The following RFC1 variants were observed in gnomAD, a reference collection of about 807,000 sequenced individuals.
RFC1 encodes the protein replication factor C subunit 1, also known as A1 140 kDa subunit.
A neutral mutation model predicts 137.4 loss-of-function variants in RFC1; 37 were observed. That is an observed-to-expected ratio of 0.27 (90% CI 0.21 to 0.35). The LOEUF (loss-of-function observed/expected upper bound fraction) is 0.35, where lower values mean the gene tolerates loss of function less well. Among genes scored for constraint, RFC1 ranks in the 10% least tolerant of loss-of-function variants. The pLI, the probability that RFC1 is intolerant of heterozygous loss-of-function variation, is 1.00. For synonymous variants in RFC1, 429 were observed against 455.7 expected, an observed-to-expected ratio of 0.94 and a Z score of 0.75; for missense variants, 1,205 against 1,358.5, an observed-to-expected ratio of 0.89 and a Z score of 1.78.
At chr4:39,299,610 C>CAAAAAAA (rs970461214) in intron 21 of RFC1, among the ~76,000 whole-genome samples, 1 of 40,448 alleles carries the variant, frequency 2.5e-5, no homozygotes. Context: ...AACACTGTCT[C>CAAAAAAA]AAAAAAAAAA....
intron 1 of RFC1, among the ~76,000 whole-genome samples, chr4:39,353,351 G>C (rs896590364): frequency 8.3e-6 from 1 of 120,856 alleles, no homozygotes; most frequent in African/African-American, 3.2e-5. Flanking sequence ...AGTGTGGCGA[G>C]ATTGTACCAC....
chr4:39,331,688 TG>T (rs1740108910), intron 4 of RFC1, among the ~76,000 whole-genome samples: 1 of 152,230 alleles, frequency 6.6e-6, no homozygotes, highest in Non-Finnish European at 1.5e-5. Context: ...TATATTCATA[TG>T]TTTACTAGGT....
intron 14 of RFC1, among the ~76,000 whole-genome samples, chr4:39,305,457 A>G (rs1042074922): frequency 6.6e-6 from 1 of 152,066 alleles, no homozygotes; most frequent in Non-Finnish European, 1.5e-5. Context: ...AAATACAAAA[A>G]ATTAGCTGGG....
In RFC1 at chr4:39,366,230, G is replaced by A; in HGVS notation, c.3+9C>T. 1 of 1,552,926 alleles carries A rather than the reference G, an allele frequency of 6.4e-7. No individual in the cohort carries two copies. The highest frequency in any genetic ancestry group is 2.5e-5 in the East Asian group (1 of 40,530). ...ACCCCGAGCCGCACGGCCTCCCCCA[G>A]CGGCTCACCATCGCAGCCCCAGGAT... is the stretch of plus-strand genomic sequence containing the variant. On this transcript the variant is annotated intron_variant, in intron 1 of 24. Coordinates refer to ENST00000349703, the MANE Select transcript of RFC1 (RefSeq NM_002913.5).
chr4:39,327,892 G>C, intron 4 of RFC1, 136 bp from the exon 5 acceptor site: 2 of 665,668 alleles, frequency 3.0e-6, no homozygotes, highest in South Asian at 2.0e-5. Flanking sequence ...AGCACTTTTG[G>C]AGACCAAGAT....
chr4:39,337,435 A>AGTGTGT (rs71921435), intron 4 of RFC1, among the ~76,000 whole-genome samples: 1,993 of 143,668 alleles, frequency 0.014, 22 homozygotes, highest in Admixed American at 0.022. Flanking sequence ...TACTCAAATA[A>AGTGTGT]GTGTGTGTGT....
intron 10 of RFC1, among the ~76,000 whole-genome samples, chr4:39,314,931 T>C (rs557699794): frequency 1.3e-5 from 2 of 152,252 alleles, no homozygotes; most frequent in Non-Finnish European, 2.9e-5. Context: ...ATCTATCCCA[T>C]TAGCAAAACG....
rs187019051 is a variant in RFC1, at chr4:39,304,756, A to G, written c.2110+58T>C. 10 of 995,796 alleles carry G rather than the reference A, an allele frequency of 1.0e-5. No individual in the cohort carries two copies. The Admixed American group carries it at 1.0e-4, about 10-fold the overall frequency. The allele number at this position is 995,796 out of a possible 1,614,324, so 61.7% of individuals were successfully genotyped here. A position where few individuals can be genotyped will look rare whatever the true frequency, so the allele number is the denominator to read the frequency against. ...CTGTGTTCAATACTGGTTACTGAAC[A>G]TTGAAATGAACATATTTTTCTTATA... On this transcript the variant is annotated intron_variant, in intron 15 of 24. Transcript: ENST00000349703.
chr4:39,302,041 A>AT (rs752397429), intron 19 of RFC1, among the ~76,000 whole-genome samples: 2 of 152,256 alleles, frequency 1.3e-5, no homozygotes, highest in African/African-American at 2.4e-5. Context: ...TTGTTGAAGC[A>AT]TAAGTATAAT....
Position 39,327,902 on chromosome 4 carries a change from T to A in RFC1, c.332-146A>T, listed in dbSNP as rs533642560. The A allele has an allele frequency of 1.5e-4, 98 of 633,286 alleles. No individual in the cohort carries two copies. In the African/African-American group the frequency reaches 1.7e-3, roughly 11 times the overall value. 39.2% of individuals were successfully genotyped at this position (633,286 alleles called of 1,614,324 possible). A position where few individuals can be genotyped will look rare whatever the true frequency, so the allele number is the denominator to read the frequency against. ...ATCCCAGCACTTTTGGAGACCAAGA[T>A]AGGAGAATCATTTGCGCTCAGGAGT... On this transcript the variant is annotated intron_variant, in intron 4 of 24. Coordinates refer to ENST00000349703, the MANE Select transcript of RFC1 (RefSeq NM_002913.5).
chr4:39,358,998 G>A (rs1741617499), intron 1 of RFC1, among the ~76,000 whole-genome samples: 1 of 152,146 alleles, frequency 6.6e-6, no homozygotes, highest in African/African-American at 2.4e-5. Flanking sequence ...TCCCAAAGGT[G>A]CCTCTAACTA....
At chr4:39,321,998 G>A (rs1194340353) in intron 7 of RFC1, among the ~76,000 whole-genome samples, 2 of 151,998 alleles carry the variant, frequency 1.3e-5, no homozygotes, top group African/African-American at 2.4e-5. Flanking sequence ...ACAACTCTCT[G>A]CTTTAAAGAA....
chr4:39,339,497 T>C (rs1740512290), intron 4 of RFC1, among the ~76,000 whole-genome samples: 1 of 152,198 alleles, frequency 6.6e-6, no homozygotes, highest in South Asian at 2.1e-4. Context: ...GGATTAATGA[T>C]ATTAAGCACT....
At chr4:39,301,427 C>T (rs539397061) in intron 19 of RFC1, among the ~76,000 whole-genome samples, 2 of 152,304 alleles carry the variant, frequency 1.3e-5, no homozygotes, top group African/African-American at 2.4e-5. Flanking sequence ...ATGTCAACTA[C>T]GGACTCTGGG....
At chr4:39,320,286 T>C in intron 9 of RFC1, 97 bp downstream of exon 9, 1 of 1,095,178 alleles carries the variant, frequency 9.1e-7, no homozygotes, top group Non-Finnish European at 1.2e-6. Context: ...GAGGCAGAGG[T>C]TGCAGTGAGC....
chr4:39,321,193 A>G (rs1560604878), intron 8 of RFC1, 94 bp downstream of exon 8: 3 of 955,816 alleles, frequency 3.1e-6, no homozygotes, highest in Non-Finnish European at 4.9e-6. Flanking sequence ...ACCTAACAAT[A>G]CATAATTACT....
intron 4 of RFC1, among the ~76,000 whole-genome samples, chr4:39,335,130 G>A (rs1240340336): frequency 2.6e-5 from 4 of 152,084 alleles, no homozygotes; most frequent in East Asian, 3.8e-4. Context: ...ATCCAGTTAC[G>A]GGGATTAAAA....
intron 4 of RFC1, among the ~76,000 whole-genome samples, chr4:39,339,751 A>T (rs2109724344): frequency 6.6e-6 from 1 of 152,276 alleles, no homozygotes; most frequent in Non-Finnish European, 1.5e-5. Context: ...TCACATTTAC[A>T]GCATTCTCAA....
At position 39,327,553 on chromosome 4, in the gene RFC1, T is replaced by G. The variant is rs1739836734; in HGVS notation, c.535A>C (p.Lys179Gln). ...TTTCTTTTGCTTGCCACCATCTTCT[T>G]ATTAGATCTTTGGACACTTCCAGTT... ...FGTGSVQRSNKKMVASKRKEL... is the reference protein window; with the variant it reads ...FGTGSVQRSNQKMVASKRKEL... Residue 179 changes from lysine (K) to glutamine (Q), a missense_variant, in exon 5 of 25, where the codon AAG becomes CAG. Transcript: ENST00000349703. 4 of 1,612,342 alleles carry G rather than the reference T, an allele frequency of 2.5e-6. No homozygotes were observed. The highest frequency in any genetic ancestry group is 3.4e-6 in the Non-Finnish European group (4 of 1,179,546).
Sources: gnomAD v4.1 joint callset for allele counts (sites outside exome capture counted in the v4.1 genomes callset) on GRCh38, gnomAD v4.1.1 for gene constraint, MANE v1.5 for transcripts, NCBI Gene and HGNC (gene_info 2026-07-23, HGNC 2026-07-21) for gene names.